The following FAM107A variants were observed in gnomAD, a reference collection of about 807,000 sequenced individuals.
FAM107A encodes actin-associated protein FAM107A.
FAM107A carries 19 observed loss-of-function variants against 13.7 expected under a neutral mutation model. The observed-to-expected ratio is 1.38, with a 90% CI of 0.97 to 2.03. The LOEUF (loss-of-function observed/expected upper bound fraction) is 2.03. Ranked by LOEUF, FAM107A falls within the 30% of genes most tolerant of loss-of-function variation. The probability of loss-of-function intolerance (pLI) is 0.00; values close to 1 mark genes in which losing one functional copy is unlikely to be tolerated. For synonymous variants in FAM107A, 82 were observed against 74.5 expected (o/e 1.10, Z -0.52); for missense variants, 203 against 184.4 (o/e 1.10, Z -0.58).
chr3:58,609,519 G>A (rs2065832624), intron 1 of FAM107A, among the ~76,000 whole-genome samples: 1 of 152,128 alleles, frequency 6.6e-6, no homozygotes, highest in Non-Finnish European at 1.5e-5. Context: ...TAGTGCCTGA[G>A]CTGCTATGCT....
chr3:58,587,805 T>C (rs1435612042), upstream of FAM107A, among the ~76,000 whole-genome samples: 4 of 152,170 alleles, frequency 2.6e-5, no homozygotes, highest in African/African-American at 9.7e-5. Flanking sequence ...TGAGGATCTA[T>C]TCTGTGTCTG....
At chr3:58,610,341 C>T (rs1309025661) in intron 1 of FAM107A, among the ~76,000 whole-genome samples, 1 of 152,310 alleles carries the variant, frequency 6.6e-6, no homozygotes, top group Non-Finnish European at 1.5e-5. Flanking sequence ...ATGCCGGACC[C>T]CTTACCCCCA....
chr3:58,589,340 C>G, upstream of FAM107A: 1 of 995,762 alleles, frequency 1.0e-6, no homozygotes, highest in Non-Finnish European at 1.5e-6. Context: ...GTGATATATT[C>G]ACAATGTATC....
intron 1 of FAM107A, among the ~76,000 whole-genome samples, chr3:58,612,882 G>A (rs2065867185): frequency 6.8e-6 from 1 of 146,986 alleles, no homozygotes; most frequent in African/African-American, 2.5e-5. Context: ...TTTATGCACA[G>A]TTTGGAGTCA....
At chr3:58,598,076 C>T (rs1396428157) in intron 1 of FAM107A, among the ~76,000 whole-genome samples, 1 of 152,200 alleles carries the variant, frequency 6.6e-6, no homozygotes, top group South Asian at 2.1e-4. Flanking sequence ...CCCTCCTCTA[C>T]AACCTCCACT....
chr3:58,590,824 G>A (rs1418666895), upstream of FAM107A, among the ~76,000 whole-genome samples: 1 of 152,196 alleles, frequency 6.6e-6, no homozygotes, highest in Admixed American at 6.5e-5. Context: ...AGGACACAGA[G>A]CCAAACCATA....
At position 58,567,366 on chromosome 3, in the gene FAM107A, T is replaced by G. The variant is rs774495591; in HGVS notation, c.171-2A>C. On this transcript the variant is annotated splice_acceptor_variant, in intron 2 of 3. Transcript: ENST00000360997. LOFTEE classifies it high-confidence loss of function. Reference sequence around the variant, plus strand: ...GGCTTGCTGTCCACACCAAGGCCCCTGGGGTGGGAAGTGGGGAGCTGTCAG... The same window carrying G: ...GGCTTGCTGTCCACACCAAGGCCCCGGGGGTGGGAAGTGGGGAGCTGTCAG... The G allele has an allele frequency of 3.1e-6, 5 of 1,609,016 alleles. No homozygotes were observed. The South Asian group carries it at 5.5e-5, about 18-fold the overall frequency.
chr3:58,616,607 C>T (rs556524621), intron 1 of FAM107A, among the ~76,000 whole-genome samples: 5 of 151,518 alleles, frequency 3.3e-5, no homozygotes, highest in East Asian at 1.9e-4. Context: ...ACCACCACCA[C>T]GTGATGACAA....
Position 58,567,188 on chromosome 3 carries a change from G to T in FAM107A, c.327+20C>A. 6 of 1,614,034 alleles carry T rather than the reference G, an allele frequency of 3.7e-6. No individual in the cohort carries two copies. The highest frequency in any genetic ancestry group is 5.1e-6 in the Non-Finnish European group (6 of 1,179,940). ...CAGCCCTGGAGGATGCGTGGTCCCT[G>T]CTGGGTGCCCATCACCCACCTGGTT... On this transcript the variant is annotated intron_variant, in intron 3 of 3. Transcript: ENST00000360997.
At chr3:58,627,436 C>T (rs536613461) in exon 1 of FAM107A, 29 of 175,062 alleles carry the variant, frequency 1.7e-4, no homozygotes, top group Non-Finnish European at 2.4e-4. Context: ...ACCACTCAGC[C>T]GACAGGGCCA....
At chr3:58,608,346 T>C (rs1559485260) in intron 1 of FAM107A, among the ~76,000 whole-genome samples, 1 of 152,180 alleles carries the variant, frequency 6.6e-6, no homozygotes, top group African/African-American at 2.4e-5. Context: ...ACAATTTTGC[T>C]TAAAATAAGA....
chr3:58,610,335 C>T (rs565710461), intron 1 of FAM107A, among the ~76,000 whole-genome samples: 4 of 152,166 alleles, frequency 2.6e-5, no homozygotes, highest in Non-Finnish European at 4.4e-5. Flanking sequence ...TGTCTCATGC[C>T]GGACCCCTTA....
At chr3:58,618,748 T>C (rs1011704947) in intron 1 of FAM107A, among the ~76,000 whole-genome samples, 4 of 151,938 alleles carry the variant, frequency 2.6e-5, no homozygotes, top group Non-Finnish European at 4.4e-5. Flanking sequence ...TCTTAGAACA[T>C]CTGGGAGTGA....
chr3:58,598,409 C>A (rs970763374), intron 1 of FAM107A, among the ~76,000 whole-genome samples: 1 of 152,174 alleles, frequency 6.6e-6, no homozygotes, highest in Admixed American at 6.5e-5. Flanking sequence ...AGGGCCTTCT[C>A]ACGCCTCCAT....
At chr3:58,606,298 G>A (rs1273288099) in intron 1 of FAM107A, among the ~76,000 whole-genome samples, 1 of 152,152 alleles carries the variant, frequency 6.6e-6, no homozygotes, top group Non-Finnish European at 1.5e-5. Flanking sequence ...GTTTCACCAT[G>A]TTGGCCAGGC....
exon 1 of FAM107A, chr3:58,586,885 G>A (rs1326370945): frequency 6.5e-7 from 1 of 1,533,180 alleles, no homozygotes; most frequent in East Asian, 2.5e-5. Context: ...GCCCGGTAGA[G>A]CCCGGTGGCA....
At chr3:58,570,164 G>T (rs2063667132) in intron 1 of FAM107A, among the ~76,000 whole-genome samples, 1 of 152,164 alleles carries the variant, frequency 6.6e-6, no homozygotes, top group African/African-American at 2.4e-5. Context: ...GCATATTTTT[G>T]GCCTGGCTTT....
At chr3:58,593,318 C>G (rs1053497941) in intron 1 of FAM107A, among the ~76,000 whole-genome samples, 7 of 152,190 alleles carry the variant, frequency 4.6e-5, no homozygotes, top group Non-Finnish European at 1.0e-4. Flanking sequence ...GGGCTTTATA[C>G]AGTCACCCCC....
chr3:58,585,357 C>A (rs893002750), intron 1 of FAM107A, among the ~76,000 whole-genome samples: 4 of 152,260 alleles, frequency 2.6e-5, no homozygotes, highest in Non-Finnish European at 4.4e-5. Context: ...CCTTCTCTGC[C>A]TGTCCCGCCT....
Sources: gnomAD v4.1 joint callset for allele counts (sites outside exome capture counted in the v4.1 genomes callset) on GRCh38, gnomAD v4.1.1 for gene constraint, MANE v1.5 for transcripts, NCBI Gene and HGNC (gene_info 2026-07-23, HGNC 2026-07-21) for gene names.